GLIPR1L1: variants seen among roughly 807,000 people sequenced by gnomAD.
GLIPR1L1 encodes the protein GLIPR1-like protein 1.
In GLIPR1L1, 26 loss-of-function variants were observed where a neutral mutation model predicts 29.9. The observed-to-expected ratio is 0.87, with a 90% CI of 0.64 to 1.21. The LOEUF is 1.21. GLIPR1L1 is among the 50% of genes most tolerant of loss of function. The pLI is 0.00. For missense variants in GLIPR1L1, 305 were observed against 290.3 expected, an observed-to-expected ratio of 1.05 and a Z score of -0.37; for synonymous variants, 77 against 97.5, an observed-to-expected ratio of 0.79 and a Z score of 1.24.
At chr12:75,336,173 C>A (rs2041723696) in intron 1 of GLIPR1L1, among the ~76,000 whole-genome samples, 1 of 151,712 alleles carries the variant, frequency 6.6e-6, no homozygotes, top group Non-Finnish European at 1.5e-5. Context: ...GTTAAGAATG[C>A]ATATTTTAAT....
At chr12:75,355,751 G>A (rs762646283) in intron 3 of GLIPR1L1, among the ~76,000 whole-genome samples, 7 of 152,150 alleles carry the variant, frequency 4.6e-5, no homozygotes, top group Non-Finnish European at 1.0e-4. Flanking sequence ...TGACAGACTG[G>A]ATAAAGAAAA....
intron 1 of GLIPR1L1, among the ~76,000 whole-genome samples, chr12:75,342,208 G>A (rs2042168994): frequency 6.6e-6 from 1 of 152,242 alleles, no homozygotes; most frequent in Middle Eastern, 3.4e-3. Flanking sequence ...GATATTGTGG[G>A]AGTGATTACT....
At chr12:75,369,843 A>G in intron 4 of GLIPR1L1, 117 bp from the exon 5 acceptor site, 2 of 1,332,148 alleles carry the variant, frequency 1.5e-6, no homozygotes, top group South Asian at 2.1e-5. Context: ...TTTTCTTGTT[A>G]AAAAGTCAAA....
chr12:75,367,643 T>C (rs1219744823), intron 4 of GLIPR1L1, among the ~76,000 whole-genome samples: 2 of 152,160 alleles, frequency 1.3e-5, no homozygotes, highest in Admixed American at 6.5e-5. Flanking sequence ...TTAAATGCTT[T>C]TGTATATTAG....
intron 3 of GLIPR1L1, among the ~76,000 whole-genome samples, chr12:75,348,901 CT>C (rs1014886733): frequency 5.9e-5 from 9 of 152,096 alleles, no homozygotes; most frequent in African/African-American, 2.2e-4. Flanking sequence ...AAAGTTAGCC[CT>C]ATAATTCCCC....
At chr12:75,369,574 C>A in intron 4 of GLIPR1L1, 1 of 983,986 alleles carries the variant, frequency 1.0e-6, no homozygotes, top group Non-Finnish European at 1.2e-6. Flanking sequence ...GAGTAAGGAC[C>A]ATTACAGAAA....
intron 1 of GLIPR1L1, among the ~76,000 whole-genome samples, chr12:75,337,222 A>T (rs1224228452): frequency 6.6e-6 from 1 of 151,822 alleles, no homozygotes; most frequent in East Asian, 1.9e-4. Flanking sequence ...AATTAAGCAC[A>T]AGAAAATTTT....
At chr12:75,339,085 T>C (rs183977368) in intron 1 of GLIPR1L1, among the ~76,000 whole-genome samples, 54 of 152,334 alleles carry the variant, frequency 3.5e-4, no homozygotes, top group African/African-American at 1.1e-3. Context: ...ATGCTTATAA[T>C]AGAATGATCT....
chr12:75,366,915 G>A, intron 4 of GLIPR1L1: 1 of 701,658 alleles, frequency 1.4e-6, no homozygotes, highest in Non-Finnish European at 2.6e-6. Context: ...ATGTCAAAAG[G>A]GGTTAACCAC....
rs1052667659 is a variant in GLIPR1L1, at chr12:75,370,255, T to C, written c.*79T>C. ...TTGCTTAATATAACTTATCATCACT[T>C]TGCTTCTTTACTGAATCTTCTACAC... On this transcript the variant is annotated 3_prime_UTR_variant, in exon 6 of 6. Transcript: ENST00000378695. 1 of 774,396 alleles carries C rather than the reference T, an allele frequency of 1.3e-6. No individual in the cohort carries two copies. The highest frequency in any genetic ancestry group is 2.2e-6 in the Non-Finnish European group (1 of 460,554). 48.0% of individuals were successfully genotyped at this position (774,396 alleles called of 1,614,324 possible). A position where few individuals can be genotyped will look rare whatever the true frequency, so the allele number is the denominator to read the frequency against.
intron 2 of GLIPR1L1, 111 bp from the exon 3 acceptor site, chr12:75,347,511 T>G (rs1167667487): frequency 3.1e-5 from 17 of 553,146 alleles, no homozygotes; most frequent in Non-Finnish European, 5.4e-5. Context: ...CTAATAAATA[T>G]TTATGTACAT....
At chr12:75,341,211 G>A (rs2139310190) in intron 1 of GLIPR1L1, among the ~76,000 whole-genome samples, 1 of 152,234 alleles carries the variant, frequency 6.6e-6, no homozygotes, top group East Asian at 1.9e-4. Context: ...GGAGTTTAGT[G>A]ACTCTATACA....
intron 3 of GLIPR1L1, among the ~76,000 whole-genome samples, chr12:75,361,514 G>T (rs191934697): frequency 1.5e-3 from 232 of 152,268 alleles, no homozygotes; most frequent in African/African-American, 5.0e-3. Flanking sequence ...AAGGCTTGGG[G>T]CTTGCACCCT....
intron 1 of GLIPR1L1, among the ~76,000 whole-genome samples, chr12:75,335,531 C>T (rs928276891): frequency 3.9e-5 from 6 of 152,050 alleles, no homozygotes; most frequent in South Asian, 4.1e-4. Context: ...TGAGCATAAA[C>T]GTTGATAGTA....
At chr12:75,347,973 A>G (rs2042565904) in intron 3 of GLIPR1L1, among the ~76,000 whole-genome samples, 1 of 152,194 alleles carries the variant, frequency 6.6e-6, no homozygotes, top group Non-Finnish European at 1.5e-5. Flanking sequence ...GTTTAAAAAA[A>G]GAGATAATAT....
intron 1 of GLIPR1L1, among the ~76,000 whole-genome samples, chr12:75,339,633 T>C (rs2041969388): frequency 6.6e-6 from 1 of 152,228 alleles, no homozygotes; most frequent in Non-Finnish European, 1.5e-5. Context: ...GCAATTGCTT[T>C]TGATGTTTTC....
chr12:75,362,150 G>T (rs1270504739), intron 3 of GLIPR1L1, among the ~76,000 whole-genome samples: 1 of 151,810 alleles, frequency 6.6e-6, no homozygotes, highest in African/African-American at 2.4e-5. Context: ...GATGTACCCT[G>T]GAATATAGGA....
chr12:75,349,380 C>A (rs2042658447), intron 3 of GLIPR1L1, among the ~76,000 whole-genome samples: 1 of 151,866 alleles, frequency 6.6e-6, no homozygotes, highest in African/African-American at 2.4e-5. Flanking sequence ...ACAACAACAG[C>A]AAAAAAACTC....
At chr12:75,355,992 A>C (rs2043132648) in intron 3 of GLIPR1L1, among the ~76,000 whole-genome samples, 3 of 152,114 alleles carry the variant, frequency 2.0e-5, no homozygotes, top group Non-Finnish European at 4.4e-5. Flanking sequence ...TAGGGTGGGG[A>C]GAGGGAGAGC....
Sources: gnomAD v4.1 joint callset for allele counts (sites outside exome capture counted in the v4.1 genomes callset) on GRCh38, gnomAD v4.1.1 for gene constraint, MANE v1.5 for transcripts, NCBI Gene and HGNC (gene_info 2026-07-23, HGNC 2026-07-21) for gene names.